The following SLFN12 variants were observed in gnomAD, a reference collection of about 807,000 sequenced individuals.
The protein encoded by SLFN12 is ribonuclease SLFN12.
SLFN12 carries 25 observed loss-of-function variants against 29.1 expected under a neutral mutation model. The ratio of observed to expected loss-of-function variants is 0.86; its 90% CI spans 0.63 to 1.20. SLFN12 has a LOEUF of 1.20. Ranked by LOEUF, SLFN12 falls within the 50% of genes most tolerant of loss-of-function variation. SLFN12 has a pLI of 0.00. For missense variants in SLFN12, 660 were observed against 666.2 expected (o/e 0.99, Z 0.10); for synonymous variants, 257 against 238.7 (o/e 1.08, Z -0.71).
At chr17:35,418,661 A>C (rs1377725329) in intron 3 of SLFN12, among the ~76,000 whole-genome samples, 3 of 150,964 alleles carry the variant, frequency 2.0e-5, no homozygotes, top group Admixed American at 2.0e-4. Flanking sequence ...GAAAGTCAAA[A>C]GTTATACACC....
chr17:35,430,271 T>C (rs1485127466), intron 1 of SLFN12, among the ~76,000 whole-genome samples: 1 of 152,110 alleles, frequency 6.6e-6, no homozygotes, highest in East Asian at 1.9e-4. Context: ...ACTTGGTCTG[T>C]TCTAGGATCT....
At chr17:35,414,932 C>A (rs1911231902) in intron 3 of SLFN12, among the ~76,000 whole-genome samples, 1 of 152,030 alleles carries the variant, frequency 6.6e-6, no homozygotes, top group South Asian at 2.1e-4. Context: ...GTGAAAATGA[C>A]CATACTGACA....
chr17:35,430,045 G>T (rs1912223563), intron 1 of SLFN12, among the ~76,000 whole-genome samples: 1 of 151,836 alleles, frequency 6.6e-6, no homozygotes. Context: ...TGGCCCCACA[G>T]CTCTTTAAAT....
chr17:35,424,170 CTTTTT>C (rs975456788), intron 1 of SLFN12, among the ~76,000 whole-genome samples: 3 of 151,870 alleles, frequency 2.0e-5, no homozygotes, highest in Non-Finnish European at 4.4e-5. Context: ...TTAAGTTTAA[CTTTTT>C]TTTAAGTGTA....
intron 1 of SLFN12, among the ~76,000 whole-genome samples, chr17:35,430,839 C>T (rs1912276199): frequency 6.6e-6 from 1 of 152,148 alleles, no homozygotes; most frequent in Admixed American, 6.5e-5. Context: ...TAATGTATTT[C>T]TCCATAGACT....
Position 35,420,317 on chromosome 17 carries a change from A to G in SLFN12, c.1104T>C (p.Ser368=). The change falls in exon 3 of 4, where the codon AGT becomes AGC. Residue 368 remains serine (S), a synonymous_variant. Coordinates refer to ENST00000304905, the MANE Select transcript of SLFN12 (RefSeq NM_018042.5). ...GCCGTTGCCATTCCAAAAGAGGCCA[A>G]CTGTGGGGAGCAGGTAATGACGTAT... The part of the protein sequence containing the change: ...QINTSLPAPH[S]WPLLEWQRQR... 1.2e-6 allele frequency: 2 copies of G among 1,613,902 alleles called. No homozygotes were observed. Among genetic ancestry groups the G allele is most frequent in the South Asian group, 1.1e-5 (1 of 91,090 alleles).
At chr17:35,420,512 T>C in intron 2 of SLFN12, 131 bp from the exon 3 acceptor site, 1 of 587,498 alleles carries the variant, frequency 1.7e-6, no homozygotes, top group Non-Finnish European at 2.9e-6. Flanking sequence ...TGTTAGATAT[T>C]GTGGTTAGAT....
intron 3 of SLFN12, among the ~76,000 whole-genome samples, chr17:35,415,417 G>T (rs1322201102): frequency 6.6e-6 from 1 of 152,000 alleles, no homozygotes; most frequent in African/African-American, 2.4e-5. Context: ...AATTCTACAA[G>T]ATAACATCAG....
chr17:35,424,549 A>G (rs1395329028), intron 1 of SLFN12, among the ~76,000 whole-genome samples: 1 of 152,160 alleles, frequency 6.6e-6, no homozygotes, highest in Non-Finnish European at 1.5e-5. Context: ...CGAGTGGCAT[A>G]GAGACAATTG....
At position 35,422,449 on chromosome 17, in the gene SLFN12, C is replaced by A; in HGVS notation, c.580G>T (p.Glu194Ter). Residue 194 changes from glutamate to a stop codon, truncating the protein, a stop_gained, in exon 2 of 4, where the codon GAA (glutamate) becomes TAA (stop). Transcript: ENST00000304905. LOFTEE classifies it high-confidence loss of function. ...GTGGATTCAGTAAAGGTCAATTTTTCTTTCCGATCAAGTTCTGTTCTATCA... is the reference window on the plus strand; with the variant it reads ...GTGGATTCAGTAAAGGTCAATTTTTATTTCCGATCAAGTTCTGTTCTATCA... ...FFDRTELDRK[E>*]KLTFTESTHV... is the part of the protein sequence containing the mutation. 1.2e-6 allele frequency: 2 copies of A among 1,612,174 alleles called. No individual in the cohort carries two copies. Among genetic ancestry groups the A allele is most frequent in the South Asian group, 1.1e-5 (1 of 90,392 alleles).
intron 3 of SLFN12, among the ~76,000 whole-genome samples, chr17:35,415,300 C>T (rs9912898): frequency 0.01 from 1,579 of 152,104 alleles, 40 homozygotes; most frequent in African/African-American, 0.035. Context: ...CTGGGATAAT[C>T]GGCAAGCCAC....
At chr17:35,412,267 A>C (rs571855040) in intron 3 of SLFN12, among the ~76,000 whole-genome samples, 1 of 152,276 alleles carries the variant, frequency 6.6e-6, no homozygotes, top group South Asian at 2.1e-4. Context: ...GAGCTGGAAT[A>C]TGAGAAGTAA....
intron 3 of SLFN12, among the ~76,000 whole-genome samples, chr17:35,413,530 C>T (rs1055148098): frequency 8.6e-5 from 13 of 151,922 alleles, no homozygotes; most frequent in African/African-American, 3.1e-4. Context: ...GGTGGATCAC[C>T]TGAGGTCAGG....
At position 35,422,421 on chromosome 17, in the gene SLFN12, T is replaced by A; in HGVS notation, c.608A>T (p.His203Leu). 1.2e-6 allele frequency: 2 copies of A among 1,613,806 alleles called. No homozygotes were observed. The highest frequency in any genetic ancestry group is 1.7e-6 in the Non-Finnish European group (2 of 1,179,936). Reference sequence around the variant, plus strand: ...TGTCGAGAAGTTTTTAATTTCAACATGTGTGGATTCAGTAAAGGTCAATTT... The same window carrying A: ...TGTCGAGAAGTTTTTAATTTCAACAAGTGTGGATTCAGTAAAGGTCAATTT... ...KEKLTFTEST[H>L]VEIKNFSTEK... The change falls in exon 2 of 4, where the codon CAT becomes CTT. Residue 203 changes from histidine (H) to leucine (L), a missense_variant. Physicochemically the swap from His to Leu is moderately conservative, Grantham distance 99. Transcript: ENST00000304905.
chr17:35,411,274 C>T lies in SLFN12; in HGVS notation c.*64G>A, dbSNP rs894908628. 3.6e-5 allele frequency: 43 copies of T among 1,187,186 alleles called. No individual in the cohort carries two copies. In the African/African-American group the frequency reaches 6.1e-4, roughly 17 times the overall value. The allele number at this position is 1,187,186 out of a possible 1,614,324, so 73.5% of individuals were successfully genotyped here. On this transcript the variant is annotated 3_prime_UTR_variant, in exon 4 of 4. Transcript: ENST00000304905. The stretch of plus-strand genomic sequence containing the variant: ...CAAAGTTTTCAAAGAAATATTTTCA[C>T]AGAATTAGAGAATGTTATCAAATAT...
At chr17:35,423,227 C>T in intron 1 of SLFN12, among the ~76,000 whole-genome samples, 159 bp from the exon 2 acceptor site, 1 of 152,208 alleles carries the variant, frequency 6.6e-6, no homozygotes, top group Admixed American at 6.5e-5. Flanking sequence ...GCTAAGACCG[C>T]AATAATTTAT....
intron 1 of SLFN12, among the ~76,000 whole-genome samples, chr17:35,429,944 C>T (rs1912212297): frequency 6.6e-6 from 1 of 152,014 alleles, no homozygotes; most frequent in Non-Finnish European, 1.5e-5. Flanking sequence ...CCTGGGAGGT[C>T]TGGACACCCA....
Position 35,420,382 on chromosome 17 carries a change from C to G in SLFN12, c.1040-1G>C, listed in dbSNP as rs1911556334. On this transcript the variant is annotated splice_acceptor_variant, in intron 2 of 3. Transcript: ENST00000304905. LOFTEE classifies it high-confidence loss of function. ...ACCTCTTCATATGAACTGGAAAATT[C>G]TTAAAAACAAAAATATCACATTCTT... 1 of 1,601,710 alleles carries G rather than the reference C, an allele frequency of 6.2e-7. No homozygotes were observed. Among genetic ancestry groups the G allele is most frequent in the Non-Finnish European group, 8.6e-7 (1 of 1,169,520 alleles).
At chr17:35,428,394 C>T (rs945906764) in intron 1 of SLFN12, among the ~76,000 whole-genome samples, 1 of 151,760 alleles carries the variant, frequency 6.6e-6, no homozygotes, top group Non-Finnish European at 1.5e-5. Context: ...GTACCTTTTG[C>T]GGGGAAGAGG....
Sources: gnomAD v4.1 joint callset for allele counts (sites outside exome capture counted in the v4.1 genomes callset) on GRCh38, gnomAD v4.1.1 for gene constraint, MANE v1.5 for transcripts, NCBI Gene and HGNC (gene_info 2026-07-23, HGNC 2026-07-21) for gene names.